FGF14: variants seen among roughly 807,000 people sequenced by gnomAD.
FGF14 encodes the protein fibroblast growth factor 14, also known as fibroblast growth factor homologous factor 4.
Under a neutral mutation model 25.5 loss-of-function variants are expected in FGF14, and 5 were observed. That is an observed-to-expected ratio of 0.20 (90% CI 0.10 to 0.41). The LOEUF (loss-of-function observed/expected upper bound fraction) is 0.41. Ranked by LOEUF, FGF14 falls within the 10% of genes least tolerant of loss-of-function variation. The pLI is 1.00. For synonymous variants in FGF14, 138 were observed against 118.3 expected (o/e 1.17, Z -1.08); for missense variants, 222 against 320.1 (o/e 0.69, Z 2.34).
chr13:102,072,957 T>C (rs2043210756), intron 1 of FGF14, among the ~76,000 whole-genome samples: 1 of 152,180 alleles, frequency 6.6e-6, no homozygotes, highest in African/African-American at 2.4e-5. Context: ...GAAATGCAAA[T>C]GCTGAAAATA....
chr13:102,049,643 G>A (rs1274358734), intron 1 of FGF14, among the ~76,000 whole-genome samples: 1 of 152,026 alleles, frequency 6.6e-6, no homozygotes, highest in African/African-American at 2.4e-5. Flanking sequence ...GATTATTACA[G>A]GTATAATTAG....
chr13:102,086,046 T>C (rs2043879771), intron 1 of FGF14, among the ~76,000 whole-genome samples: 1 of 152,228 alleles, frequency 6.6e-6, no homozygotes, highest in Non-Finnish European at 1.5e-5. Flanking sequence ...AAGGGCAGGC[T>C]ACTGCTTTTA....
intron 1 of FGF14, among the ~76,000 whole-genome samples, chr13:101,908,358 C>T (rs1255702619): frequency 2.0e-5 from 3 of 152,104 alleles, no homozygotes; most frequent in African/African-American, 7.2e-5. Flanking sequence ...TCCGATTCCT[C>T]ATCTGTAAAA....
intron 1 of FGF14, among the ~76,000 whole-genome samples, chr13:102,308,333 C>T (rs542693412): frequency 6.0e-4 from 92 of 152,298 alleles, no homozygotes; most frequent in African/African-American, 2.2e-3. Context: ...AGTGACTCAA[C>T]ATGTATTGGA....
intron 1 of FGF14, among the ~76,000 whole-genome samples, chr13:102,039,976 T>A (rs1028053127): frequency 3.3e-5 from 5 of 149,582 alleles, no homozygotes; most frequent in African/African-American, 1.2e-4. Context: ...GTTTACATGT[T>A]AAAAAAAAAA....
At chr13:101,969,092 G>A (rs2037427350) in intron 1 of FGF14, among the ~76,000 whole-genome samples, 1 of 152,178 alleles carries the variant, frequency 6.6e-6, no homozygotes, top group South Asian at 2.1e-4. Context: ...AATCTGGCCA[G>A]TGGGCTCCAT....
intron 3 of FGF14, among the ~76,000 whole-genome samples, chr13:101,787,416 C>G (rs2039902655): frequency 6.6e-6 from 1 of 152,158 alleles, no homozygotes; most frequent in Non-Finnish European, 1.5e-5. Flanking sequence ...CTATGGATCG[C>G]ATAACTCTCT....
chr13:102,031,377 T>C (rs946176534), intron 1 of FGF14, among the ~76,000 whole-genome samples: 5 of 152,240 alleles, frequency 3.3e-5, no homozygotes, highest in African/African-American at 9.6e-5. Context: ...TATGCACTTA[T>C]GATATTTGAA....
rs376035453 is a variant in FGF14 at position 102,152,668 on chromosome 13, A to G, written c.208+248803T>C. Among the ~76,000 whole-genome samples the G allele has an allele frequency of 5.8e-4, 89 of 152,324 alleles. No homozygotes were observed. The South Asian group carries it at 0.018, about 31-fold the overall frequency. On this transcript the variant is annotated intron_variant, in intron 1 of 4. Coordinates refer to the FGF14 transcript ENST00000376131. Reference sequence around the variant, plus strand: ...TTGCTAGAGCTCAGATCTGGGATCCATAAGTAACTGAAACCACAATGCCCA... The same window carrying G: ...TTGCTAGAGCTCAGATCTGGGATCCGTAAGTAACTGAAACCACAATGCCCA...
chr13:101,793,999 C>A (rs112909851), intron 3 of FGF14, among the ~76,000 whole-genome samples: 1 of 152,060 alleles, frequency 6.6e-6, no homozygotes, highest in African/African-American at 2.4e-5. Context: ...AATGCCACTG[C>A]ATCACACACA....
At chr13:102,287,921 A>G (rs2054186818) in intron 1 of FGF14, among the ~76,000 whole-genome samples, 1 of 152,204 alleles carries the variant, frequency 6.6e-6, no homozygotes, top group South Asian at 2.1e-4. Context: ...GGCATTCAGT[A>G]GTTGTTTGTT....
chr13:102,029,024 G>T (rs1170463700), intron 1 of FGF14, among the ~76,000 whole-genome samples: 1 of 151,992 alleles, frequency 6.6e-6, no homozygotes, highest in Non-Finnish European at 1.5e-5. Flanking sequence ...CAGCTCATCG[G>T]TACAGAAATA....
Position 101,721,839 on chromosome 13 carries a change from G to C in FGF14, c.*992C>G, listed in dbSNP as rs1172123789. ...GATTTAGGTAGCGCAATTCTTGTAG[G>C]TTATAATTACTGATTTTCCTTTTTT... On this transcript the variant is annotated 3_prime_UTR_variant, in exon 5 of 5. Transcript: ENST00000376143. 6.7e-6 allele frequency: 1 copy of C among 148,434 alleles called. No individual in the cohort carries two copies. Among genetic ancestry groups the C allele is most frequent in the African/African-American group, 2.5e-5 (1 of 40,654 alleles). The allele number at this position is 148,434 out of a possible 1,614,324, so 9.2% of individuals were successfully genotyped here.
At chr13:102,230,160 G>T (rs1421850515) in intron 1 of FGF14, among the ~76,000 whole-genome samples, 2 of 152,194 alleles carry the variant, frequency 1.3e-5, no homozygotes, top group East Asian at 3.9e-4. Context: ...CTTGCACCAT[G>T]TGAGAACACA....
intron 1 of FGF14, among the ~76,000 whole-genome samples, chr13:101,972,353 A>G (rs2037650426): frequency 6.6e-6 from 1 of 152,232 alleles, no homozygotes; most frequent in Admixed American, 6.5e-5. Context: ...AAACATTAAA[A>G]TAAATACAAA....
chr13:102,150,834 G>A (rs1401207135), intron 1 of FGF14, among the ~76,000 whole-genome samples: 1 of 152,096 alleles, frequency 6.6e-6, no homozygotes, highest in Admixed American at 6.6e-5. Context: ...ATAGAGATCT[G>A]GGTGCTGCCA....
intron 3 of FGF14, among the ~76,000 whole-genome samples, chr13:101,760,089 A>G (rs571652549): frequency 2.4e-4 from 36 of 152,336 alleles, no homozygotes; most frequent in African/African-American, 8.7e-4. Flanking sequence ...ACTAGCAACT[A>G]AAGAGAAAAT....
At chr13:102,022,923 C>A (rs750853776) in intron 1 of FGF14, among the ~76,000 whole-genome samples, 23 of 151,908 alleles carry the variant, frequency 1.5e-4, no homozygotes, top group Non-Finnish European at 2.8e-4. Context: ...AGAGGAAGCA[C>A]CTTGTGTGAA....
At chr13:102,060,243 G>T (rs557758838) in intron 1 of FGF14, among the ~76,000 whole-genome samples, 40 of 152,000 alleles carry the variant, frequency 2.6e-4, no homozygotes, top group Non-Finnish European at 2.9e-4. Flanking sequence ...AAATAAATCT[G>T]GGCAGGTCGT....
Sources: allele counts gnomAD v4.1 joint callset (sites outside exome capture counted in the v4.1 genomes callset), GRCh38; gene constraint gnomAD v4.1.1; transcripts MANE v1.5; gene names NCBI Gene and HGNC (gene_info 2026-07-23, HGNC 2026-07-21).